The following PELI3 variants were observed in gnomAD, a reference collection of about 807,000 sequenced individuals.
The protein encoded by PELI3 is pellino E3 ubiquitin protein ligase family member 3, also known as E3 ubiquitin-protein ligase pellino homolog 3.
In PELI3, 19 loss-of-function variants were observed where a neutral mutation model predicts 35.5. The observed-to-expected ratio is 0.54, with a 90% confidence interval of 0.37 to 0.79. PELI3 has a LOEUF of 0.79. Ranked by LOEUF, PELI3 falls within the 30% of genes least tolerant of loss-of-function variation. The pLI is 0.00. For missense variants in PELI3, 490 were observed against 661.2 expected (o/e 0.74, Z 2.84); for synonymous variants, 262 against 279.2 (o/e 0.94, Z 0.62).
At chr11:66,471,923 G>A (rs562769246) in intron 4 of PELI3, among the ~76,000 whole-genome samples, 8 of 151,988 alleles carry the variant, frequency 5.3e-5, no homozygotes, top group African/African-American at 1.4e-4. Flanking sequence ...ACAGTGGTGC[G>A]ATCTCAGCTC....
chr11:66,473,447 C>T lies in PELI3; in HGVS notation c.651+12C>T. 1 of 1,600,964 alleles carries T rather than the reference C, an allele frequency of 6.2e-7. No homozygotes were observed. The highest frequency in any genetic ancestry group is 8.5e-7 in the Non-Finnish European group (1 of 1,171,548). On this transcript the variant is annotated intron_variant, in intron 6 of 7. Coordinates refer to ENST00000320740, the MANE Select transcript of PELI3 (RefSeq NM_145065.3). This position sits in a 1 kb window ranked among gnomAD's most constrained non-coding sequence, Gnocchi z 5.8. Reference sequence around the variant, plus strand: ...ACATCTTCCTTGGAGTGAGTGAGCCCCAGGAAGGGACCAACTCTTCATCTG... The same window carrying T: ...ACATCTTCCTTGGAGTGAGTGAGCCTCAGGAAGGGACCAACTCTTCATCTG...
intron 2 of PELI3, 49 bp from the exon 3 acceptor site, chr11:66,468,784 C>G: frequency 1.3e-6 from 1 of 771,900 alleles, no homozygotes; most frequent in Non-Finnish European, 2.4e-6. Context: ...GGAGGCAGGC[C>G]TGTGCCAAGC....
chr11:66,473,158 C>T lies in PELI3; in HGVS notation c.457-83C>T. On this transcript the variant is annotated intron_variant, in intron 5 of 7. Transcript: ENST00000320740. This position sits in a 1 kb window ranked among gnomAD's most constrained non-coding sequence, Gnocchi z 5.8. ...TTTTTTGGTGACCTTGCATACAGAG[C>T]AGCTGCTGGTACTCTGGGAGGGAAG... is the stretch of plus-strand genomic sequence containing the variant. The T allele has an allele frequency of 7.4e-7, 1 of 1,359,602 alleles. No individual in the cohort carries two copies. Among genetic ancestry groups the T allele is most frequent in the South Asian group, 1.4e-5 (1 of 70,708 alleles). 84.2% of individuals were successfully genotyped at this position (1,359,602 alleles called of 1,614,324 possible).
intron 3 of PELI3, among the ~76,000 whole-genome samples, chr11:66,470,727 A>G (rs1246793383): frequency 1.3e-5 from 2 of 152,218 alleles, no homozygotes; most frequent in Non-Finnish European, 2.9e-5. Context: ...TAGTGGTGTG[A>G]TAAGTGACAG....
At chr11:66,471,659 G>T (rs2087678960) in intron 4 of PELI3, among the ~76,000 whole-genome samples, 1 of 152,078 alleles carries the variant, frequency 6.6e-6, no homozygotes, top group Admixed American at 6.5e-5. Flanking sequence ...AATGGAAATG[G>T]GTGGAAATGA....
Position 66,476,138 on chromosome 11 carries a change from C to T in PELI3, c.1381C>T (p.Arg461Cys), listed in dbSNP as rs757520599. 4 of 1,568,968 alleles carry T rather than the reference C, an allele frequency of 2.5e-6. No individual in the cohort carries two copies. The highest frequency in any genetic ancestry group is 2.3e-5 in the South Asian group (2 of 87,436). ...GCTTACCGGCGAGCATGGCTGCGTC[C>T]GCCTCATTTTCCAGGGCCCGCTGGA... is the stretch of plus-strand genomic sequence containing the variant. ...AWLTGEHGCV[R>C]LIFQGPLD Residue 461 changes from arginine to cysteine, a missense_variant, in exon 8 of 8, where the codon CGC becomes TGC. By Grantham distance (180) the Arg-to-Cys change is radical. Transcript: ENST00000320740.
At position 66,471,282 on chromosome 11, in the gene PELI3, C is replaced by T. The variant is rs773430349; in HGVS notation, c.265C>T (p.Arg89Ter). Residue 89 changes from arginine (R) to a stop codon, truncating the protein, a stop_gained, in exon 4 of 8, where the codon CGA (arginine) becomes TGA (stop). Transcript: ENST00000320740. LOFTEE classifies it high-confidence loss of function. ...CLASGDKGRR[R>*]SRLALSRRSH... ...GGCAAGTGGGGACAAGGGCCGCCGG[C>T]GAAGCCGCCTGGCACTGAGCCGCCG... The T allele has an allele frequency of 1.2e-6, 2 of 1,613,614 alleles. No individual in the cohort carries two copies. The highest frequency in any genetic ancestry group is 1.7e-6 in the Non-Finnish European group (2 of 1,179,770).
Position 66,476,403 on chromosome 11 carries a change from G to A in PELI3, c.*236G>A. On this transcript the variant is annotated 3_prime_UTR_variant, in exon 8 of 8. Coordinates refer to ENST00000320740, the MANE Select transcript of PELI3 (RefSeq NM_145065.3). ...ACCAGCTCTGTCCTGGGTCGATGGA[G>A]GAAAGCCCAGCCCCATGGCCTTGCC... The A allele has an allele frequency of 1.8e-6, 1 of 567,082 alleles. No homozygotes were observed. The highest frequency in any genetic ancestry group is 3.1e-6 in the Non-Finnish European group (1 of 320,766). The allele number at this position is 567,082 out of a possible 1,614,324, so 35.1% of individuals were successfully genotyped here.
intron 5 of PELI3, 109 bp downstream of exon 5, chr11:66,472,579 A>C: frequency 1.2e-6 from 1 of 846,802 alleles, no homozygotes; most frequent in South Asian, 1.5e-5. Flanking sequence ...GCTTCTCTCC[A>C]GACGAGGAAG....
rs547475462 is a variant in PELI3 at position 66,475,600 on chromosome 11, G to A, written c.843G>A (p.Val281=). ...SRSAQQRGKL[V]ENESNVLQDG... is the part of the protein sequence containing the mutation. ...GGCCCTTCTACTGCCTCTGGCAGGTGGAAAACGAGTCCAACGTGCTGCAGG... is the reference window on the plus strand; with the variant it reads ...GGCCCTTCTACTGCCTCTGGCAGGTAGAAAACGAGTCCAACGTGCTGCAGG... Residue 281 remains valine (V), a splice_region_variant and synonymous_variant, in exon 8 of 8, where the codon GTG becomes GTA. Coordinates refer to ENST00000320740, the MANE Select transcript of PELI3 (RefSeq NM_145065.3). The A allele has an allele frequency of 1.2e-6, 2 of 1,612,078 alleles. No homozygotes were observed. Among genetic ancestry groups the A allele is most frequent in the East Asian group, 2.2e-5 (1 of 44,866 alleles).
chr11:66,473,792 A>G lies in PELI3; in HGVS notation c.707A>G (p.Asn236Ser), dbSNP rs762602995. Reference sequence around the variant, plus strand: ...GGCCTGATGGATGGACTGACCACCAATGGAGTCCTGGTGATGCACCCGGCA... The same window carrying G: ...GGCCTGATGGATGGACTGACCACCAGTGGAGTCCTGGTGATGCACCCGGCA... ...PDGLMDGLTT[N>S]GVLVMHPAGG... The change falls in exon 7 of 8, where the codon AAT (asparagine) becomes AGT (serine). Residue 236 changes from asparagine to serine, a missense_variant. Asn to Ser is a conservative substitution (Grantham distance 46). Around this residue, in one of 3 missense-constraint regions of PELI3, gnomAD observed 349 missense variants for 484.8 expected, o/e 0.72. Transcript: ENST00000320740. This position sits in a 1 kb window ranked among gnomAD's most constrained non-coding sequence, Gnocchi z 5.8. 1.2e-5 allele frequency: 20 copies of G among 1,613,970 alleles called. No individual in the cohort carries two copies. Among genetic ancestry groups the G allele is most frequent in the Non-Finnish European group, 1.5e-5 (18 of 1,180,002 alleles).
intron 2 of PELI3, 68 bp downstream of exon 2, chr11:66,468,348 CG>C (rs1375878262): frequency 2.9e-6 from 4 of 1,374,074 alleles, no homozygotes; most frequent in Middle Eastern, 2.1e-4. Context: ...AACAAGGGCC[CG>C]ACCCCTCCTC....
chr11:66,473,460 A>G lies in PELI3; in HGVS notation c.651+25A>G. 2 of 1,592,218 alleles carry G rather than the reference A, an allele frequency of 1.3e-6. No homozygotes were observed. Among genetic ancestry groups the G allele is most frequent in the Non-Finnish European group, 1.7e-6 (2 of 1,166,046 alleles). On this transcript the variant is annotated intron_variant, in intron 6 of 7. Coordinates refer to ENST00000320740, the MANE Select transcript of PELI3 (RefSeq NM_145065.3). The surrounding 1 kb of genome is among the most constrained non-coding windows in gnomAD (Gnocchi z 5.8). ...AGTGAGTGAGCCCCAGGAAGGGACC[A>G]ACTCTTCATCTGTGAGGCAAGGGGT... is the stretch of plus-strand genomic sequence containing the variant.
At position 66,471,324 on chromosome 11, in the gene PELI3, G is replaced by T; in HGVS notation, c.307G>T (p.Val103Leu). 6.2e-7 allele frequency: 1 copy of T among 1,614,050 alleles called. No homozygotes were observed. ...ALSRRSHANG[V>L]KPDVMHHIST... ...GAGCCGCCGGTCGCACGCCAACGGG[G>T]TGAAGCCAGACGTCATGCACCACAT... The change falls in exon 4 of 8, where the codon GTG becomes TTG. Residue 103 changes from valine to leucine, a missense_variant. Physicochemically the swap from Val to Leu is conservative, Grantham distance 32 (BLOSUM62 1). Around this residue, in one of 3 missense-constraint regions of PELI3, gnomAD observed 137 missense variants for 157.1 expected, o/e 0.87. Transcript: ENST00000320740.
chr11:66,475,096 A>G (rs1248678127), intron 7 of PELI3: 1 of 160,602 alleles, frequency 6.2e-6, no homozygotes, highest in Non-Finnish European at 1.3e-5. Flanking sequence ...CATCTTGAGG[A>G]TGAGGAAACT....
intron 7 of PELI3, 59 bp from the exon 8 acceptor site, chr11:66,475,539 G>A: frequency 6.4e-7 from 1 of 1,568,760 alleles, no homozygotes; most frequent in African/African-American, 1.4e-5. Context: ...TCTGTGGGAT[G>A]GACCCGCGGC....
At position 66,473,919 on chromosome 11, in the gene PELI3, C is replaced by A; in HGVS notation, c.834C>A (p.Gly278=). ...ACAGCCGCTCAGCCCAGCAGCGGGGCAAGCTGGTAGGTGGCCCGCTCCATT... is the reference window on the plus strand; with the variant it reads ...ACAGCCGCTCAGCCCAGCAGCGGGGAAAGCTGGTAGGTGGCCCGCTCCATT... ...LRDSRSAQQR[G]KLVENESNVL... is the part of the protein sequence containing the mutation. The change falls in exon 7 of 8, where the codon GGC becomes GGA. Residue 278 remains glycine (G), a synonymous_variant. Coordinates refer to ENST00000320740, the MANE Select transcript of PELI3 (RefSeq NM_145065.3). This position sits in a 1 kb window ranked among gnomAD's most constrained non-coding sequence, Gnocchi z 5.8. 1 of 1,613,174 alleles carries A rather than the reference C, an allele frequency of 6.2e-7. No homozygotes were observed. The highest frequency in any genetic ancestry group is 8.5e-7 in the Non-Finnish European group (1 of 1,180,002).
At chr11:66,475,207 A>G (rs988695140) in intron 7 of PELI3, 3 of 234,194 alleles carry the variant, frequency 1.3e-5, no homozygotes, top group African/African-American at 6.9e-5. Flanking sequence ...TTTGCTTTTA[A>G]CTGTAACTAC....
rs769753649 is a variant in PELI3 at position 66,475,919 on chromosome 11, C to T, written c.1162C>T (p.Arg388Cys). Residue 388 changes from arginine (R) to cysteine (C), a missense_variant, in exon 8 of 8, where the codon CGC becomes TGC. By Grantham distance (180) the Arg-to-Cys change is radical. Coordinates refer to ENST00000320740, the MANE Select transcript of PELI3 (RefSeq NM_145065.3). Reference protein sequence around the residue: ...GPQERECPLCRLVGPYVPLWL... With the variant: ...GPQERECPLCCLVGPYVPLWL... ...CCAGGAGCGCGAATGTCCTCTCTGCCGCCTTGTGGGGCCTTATGTGCCTCT... is the reference window on the plus strand; with the variant it reads ...CCAGGAGCGCGAATGTCCTCTCTGCTGCCTTGTGGGGCCTTATGTGCCTCT... 11 of 1,611,018 alleles carry T rather than the reference C, an allele frequency of 6.8e-6. No homozygotes were observed. The highest frequency in any genetic ancestry group is 2.2e-5 in the South Asian group (2 of 90,986).
Sources: allele counts gnomAD v4.1 joint callset (sites outside exome capture counted in the v4.1 genomes callset), GRCh38; gene constraint gnomAD v4.1.1; regional missense constraint gnomAD v4.1.1; non-coding constraint Gnocchi (gnomAD v3.1); transcripts MANE v1.5; gene names NCBI Gene and HGNC (gene_info 2026-07-23, HGNC 2026-07-21).